Variants in AOPEP observed in about 807,000 individuals in gnomAD.
The protein encoded by AOPEP is aminopeptidase O (putative), also known as aminopeptidase O.
Under a neutral mutation model 98.1 loss-of-function variants are expected in AOPEP, and 77 were observed. The observed-to-expected ratio is 0.78, with a 90% CI of 0.65 to 0.95. AOPEP has a LOEUF of 0.95. AOPEP is among the 40% of genes least tolerant of loss of function. AOPEP has a pLI of 0.00. For missense variants in AOPEP, 1,024 were observed against 1,024.7 expected (o/e 1.00, Z 0.01); for synonymous variants, 346 against 365.3 (o/e 0.95, Z 0.60).
intron 11 of AOPEP, among the ~76,000 whole-genome samples, chr9:94,982,176 T>C (rs752652625): frequency 2.0e-5 from 3 of 152,160 alleles, no homozygotes; most frequent in South Asian, 2.1e-4. Flanking sequence ...CTTTGGGATA[T>C]AAAAAAGTCT....
In AOPEP at chr9:95,077,814, A is replaced by T. The variant is rs118091667; in HGVS notation, c.2233-2880A>T. 3.8e-3 allele frequency among the ~76,000 whole-genome samples: 573 copies of T among 152,272 alleles called. 16 individuals are homozygous for T. In the East Asian group the frequency reaches 0.052, roughly 14 times the overall value. On this transcript the variant is annotated intron_variant, in intron 14 of 16. Coordinates refer to ENST00000375315, the MANE Select transcript of AOPEP (RefSeq NM_001193329.3). ...TCATCCCCACTCCCTGTGGTGACGA[A>T]TGGCATGCGAATTGTGGGTCCTTGA...
chr9:94,919,493 C>T (rs114609768), intron 5 of AOPEP, among the ~76,000 whole-genome samples: 2,369 of 152,238 alleles, frequency 0.016, 64 homozygotes, highest in African/African-American at 0.054. Context: ...ACTTTGGCTT[C>T]AGGACTACAG....
In AOPEP at chr9:94,891,084, G is replaced by A. The variant is rs77497770; in HGVS notation, c.1365-32902G>A. ...TGTAGATTGCCGGTTTCTCCTTTTA[G>A]CTTTATCAGTTTCTACCTCATGTAC... is the stretch of plus-strand genomic sequence containing the variant. On this transcript the variant is annotated intron_variant, in intron 5 of 16. Transcript: ENST00000375315. Among the ~76,000 whole-genome samples, 535 of 152,302 alleles carry A rather than the reference G, an allele frequency of 3.5e-3. 2 individuals are homozygous for A. Among genetic ancestry groups the A allele is most frequent in the African/African-American group, 0.012 (494 of 41,550 alleles).
At chr9:95,060,902 C>T in intron 14 of AOPEP, 92 bp downstream of exon 14, 1 of 821,296 alleles carries the variant, frequency 1.2e-6, no homozygotes, top group South Asian at 1.4e-5. Context: ...ATTGAAACCA[C>T]CATTTCTATT....
intron 1 of AOPEP, among the ~76,000 whole-genome samples, chr9:94,736,737 C>T (rs1381255652): frequency 6.6e-6 from 1 of 152,046 alleles, no homozygotes; most frequent in African/African-American, 2.4e-5. Flanking sequence ...ATAGTACTTA[C>T]CTTGGGCCCA....
chr9:94,824,280 T>G (rs1019017726), intron 5 of AOPEP: 2 of 152,204 alleles, frequency 1.3e-5, no homozygotes, highest in Non-Finnish European at 2.9e-5. Context: ...AGTTCTTGCT[T>G]CTTCTGTAAC....
At chr9:94,806,669 C>A (rs2133875454) in intron 5 of AOPEP, among the ~76,000 whole-genome samples, 1 of 152,278 alleles carries the variant, frequency 6.6e-6, no homozygotes, top group East Asian at 1.9e-4. Flanking sequence ...TAGGTAGGGG[C>A]TTTCCCCTTC....
chr9:94,760,594 G>A lies in AOPEP; in HGVS notation c.797+14G>A. The A allele has an allele frequency of 3.3e-6, 5 of 1,525,544 alleles. No individual in the cohort carries two copies. Among genetic ancestry groups the A allele is most frequent in the Non-Finnish European group, 4.4e-6 (5 of 1,139,522 alleles). The allele number at this position is 1,525,544 out of a possible 1,614,324, so 94.5% of individuals were successfully genotyped here. ...CCAGAGTGGCAGGTAGGTTATCCAA[G>A]CACTTCAAAGCCCTGTGCCTGTTAA... On this transcript the variant is annotated intron_variant, in intron 2 of 16. Coordinates refer to ENST00000375315, the MANE Select transcript of AOPEP (RefSeq NM_001193329.3).
intron 13 of AOPEP, chr9:95,019,370 A>G (rs906652879): frequency 6.6e-6 from 1 of 152,228 alleles, no homozygotes; most frequent in Non-Finnish European, 1.5e-5. Flanking sequence ...TTTGTATTCT[A>G]TCAAAGCTCC....
At chr9:95,129,912 T>C in the AOPEP span, among the ~76,000 whole-genome samples, 1 of 152,162 alleles carries the variant, frequency 6.6e-6, no homozygotes, top group Admixed American at 6.5e-5. Flanking sequence ...AACAAGAGCT[T>C]TCCCTCTGAT....
chr9:94,932,735 C>G, intron 7 of AOPEP: 3 of 891,226 alleles, frequency 3.4e-6, no homozygotes, highest in Non-Finnish European at 4.0e-6. Flanking sequence ...CTGCCTGCTT[C>G]GGCCTCCCAA....
intron 5 of AOPEP, among the ~76,000 whole-genome samples, chr9:94,853,317 G>A (rs1808905): frequency 0.83 from 126,191 of 152,004 alleles, 54,644 homozygotes; most frequent in Non-Finnish European, 0.94. Context: ...AAAATTAGCC[G>A]GGTGTGGTGG....
At position 94,739,170 on chromosome 9, in the gene AOPEP, T is replaced by C. The variant is rs751966839; in HGVS notation, c.-136+12419T>C. ...GAGCTGCCTCCACCCACCCATCTCC[T>C]GGAATTCTGTATTTCCCAAGGTTGG... On this transcript the variant is annotated intron_variant, in intron 1 of 16. Transcript: ENST00000375315. 1.3e-5 allele frequency among the ~76,000 whole-genome samples: 2 copies of C among 152,166 alleles called. 1 individual carries two copies. The highest frequency in any genetic ancestry group is 2.9e-5 in the Non-Finnish European group (2 of 68,024).
chr9:95,120,228 T>A, the AOPEP span, among the ~76,000 whole-genome samples: 1 of 152,210 alleles, frequency 6.6e-6, no homozygotes, highest in East Asian at 1.9e-4. Context: ...TTTTTCTACA[T>A]ATGGACATCC....
At chr9:94,772,724 A>G (rs1393713537) in intron 2 of AOPEP, among the ~76,000 whole-genome samples, 1 of 152,200 alleles carries the variant, frequency 6.6e-6, no homozygotes, top group Non-Finnish European at 1.5e-5. Context: ...AACTTGGCCG[A>G]TTAGTATTTA....
chr9:94,979,271 C>A (rs1029283793), intron 10 of AOPEP, 96 bp from the exon 11 acceptor site: 22 of 764,600 alleles, frequency 2.9e-5, no homozygotes, highest in South Asian at 2.4e-4. Flanking sequence ...TCTGGAAGAT[C>A]GATGCTGTGA....
chr9:95,090,451 G>A (rs910355446), downstream of AOPEP, among the ~76,000 whole-genome samples: 2 of 152,218 alleles, frequency 1.3e-5, no homozygotes, highest in African/African-American at 4.8e-5. Context: ...TCTGAACACA[G>A]GCTGCGCCAA....
At chr9:94,977,497 C>T (rs1305720882) in intron 10 of AOPEP, among the ~76,000 whole-genome samples, 1 of 152,186 alleles carries the variant, frequency 6.6e-6, no homozygotes, top group Non-Finnish European at 1.5e-5. Context: ...AAGGGAATCT[C>T]CAGCCTCTCT....
At chr9:94,752,872 G>C (rs900684645) in intron 1 of AOPEP, among the ~76,000 whole-genome samples, 1 of 152,152 alleles carries the variant, frequency 6.6e-6, no homozygotes, top group Admixed American at 6.5e-5. Flanking sequence ...TTTGAGGCTC[G>C]GTCAGAAAAG....
Sources: gnomAD v4.1 joint callset for allele counts (sites outside exome capture counted in the v4.1 genomes callset) on GRCh38, gnomAD v4.1.1 for gene constraint, MANE v1.5 for transcripts, NCBI Gene and HGNC (gene_info 2026-07-23, HGNC 2026-07-21) for gene names.